Variants in ATRX observed in about 807,000 individuals in gnomAD.
ATRX encodes ATRX chromatin remodeler, also known as chromatin remodeler ATRX.
In ATRX, 12 loss-of-function variants were observed where a neutral mutation model predicts 172.6. The ratio of observed to expected loss-of-function variants is 0.07; its 90% CI spans 0.04 to 0.11. The LOEUF (loss-of-function observed/expected upper bound fraction) is 0.11. ATRX is among the 10% of genes least tolerant of loss of function. The pLI is 1.00. For missense variants in ATRX, 1,368 were observed against 1,767.4 expected, an observed-to-expected ratio of 0.77 and a Z score of 4.05; for synonymous variants, 674 against 594.7, an observed-to-expected ratio of 1.13 and a Z score of -1.94.
intron 28 of ATRX, among the ~76,000 whole-genome samples, chrX:77,573,244 C>T (rs1394698978): frequency 9.0e-6 from 1 of 111,114 alleles, no homozygotes; most frequent in Non-Finnish European, 1.9e-5. Flanking sequence ...CATTGTGTTC[C>T]AATTGCCTAC....
At chrX:77,584,396 A>G (rs2065934544) in intron 27 of ATRX, among the ~76,000 whole-genome samples, 1 of 111,876 alleles carries the variant, frequency 8.9e-6, no homozygotes, top group Non-Finnish European at 1.9e-5. Context: ...AAGTGTAAGA[A>G]TCACATTACC....
chrX:77,779,301 T>G (rs2076488007), intron 1 of ATRX, among the ~76,000 whole-genome samples: 1 of 109,263 alleles, frequency 9.2e-6, no homozygotes, highest in African/African-American at 3.3e-5. Context: ...CTTTCTACTT[T>G]GAACTCACAC....
At position 77,684,808 on chromosome X, in the gene ATRX, T is replaced by C. The variant is rs782677525; in HGVS notation, c.662+131A>G. 7 of 780,717 alleles carry C rather than the reference T, an allele frequency of 9.0e-6. No homozygotes were observed. In the East Asian group the frequency reaches 1.6e-4, roughly 18 times the overall value. 64.3% of individuals were successfully genotyped at this position (780,717 alleles called of 1,213,427 possible). A position where few individuals can be genotyped will look rare whatever the true frequency, so the allele number is the denominator to read the frequency against. On this transcript the variant is annotated intron_variant, in intron 8 of 34. Coordinates refer to ENST00000373344, the MANE Select transcript of ATRX (RefSeq NM_000489.6). ...TAAACTAGACATAAATCCAGGGTTT[T>C]ATGGAAAAGAACAACCTTTCATTAA...
intron 1 of ATRX, among the ~76,000 whole-genome samples, chrX:77,726,889 G>T (rs961536633): frequency 1.8e-5 from 2 of 108,674 alleles, no homozygotes; most frequent in East Asian, 2.8e-4. Context: ...CTTTTTTACC[G>T]ATGAGGAATT....
intron 22 of ATRX, chrX:77,616,377 A>G: frequency 3.0e-6 from 3 of 1,009,387 alleles, no homozygotes; most frequent in Non-Finnish European, 3.9e-6. Context: ...GCTCTTTACA[A>G]ATTAAGGGCA....
At chrX:77,553,748 T>C (rs1472917493) in intron 30 of ATRX, among the ~76,000 whole-genome samples, 5 of 112,060 alleles carry the variant, frequency 4.5e-5, no homozygotes, top group African/African-American at 1.6e-4. Context: ...TCAACATCTG[T>C]TCAAGCACAT....
chrX:77,578,855 G>C (rs2065725450), intron 27 of ATRX, among the ~76,000 whole-genome samples: 2 of 112,115 alleles, frequency 1.8e-5, no homozygotes, highest in African/African-American at 6.5e-5. Context: ...CCCAATTCCA[G>C]GCCTTAGCTC....
chrX:77,559,449 C>CTTTTTTT (rs782028709), intron 28 of ATRX, among the ~76,000 whole-genome samples: 2 of 41,684 alleles, frequency 4.8e-5, no homozygotes, highest in South Asian at 3.7e-3. Context: ...CTTTCTTTCC[C>CTTTTTTT]TTTTTTTTTT....
intron 7 of ATRX, among the ~76,000 whole-genome samples, chrX:77,687,858 T>G (rs1455853588): frequency 8.9e-6 from 1 of 112,066 alleles, no homozygotes; most frequent in African/African-American, 3.2e-5. Context: ...AAAGGCAGCT[T>G]TTTATTGGGA....
intron 30 of ATRX, among the ~76,000 whole-genome samples, chrX:77,525,839 T>C (rs1407218213): frequency 1.8e-5 from 2 of 112,440 alleles, no homozygotes; most frequent in African/African-American, 6.5e-5. Context: ...ATAGACATTG[T>C]CAAGTGTGGT....
At chrX:77,558,874 T>C (rs1557060438) in intron 28 of ATRX, 28 bp from the exon 29 acceptor site, 3 of 1,094,512 alleles carry the variant, frequency 2.7e-6, no homozygotes, top group South Asian at 3.7e-5. Flanking sequence ...GAATAAATGC[T>C]TCAGTAATTA....
chrX:77,698,494 T>C (rs2072312938), intron 3 of ATRX, 80 bp downstream of exon 3: 2 of 896,642 alleles, frequency 2.2e-6, no homozygotes, highest in South Asian at 2.1e-5. Context: ...GACACATACA[T>C]GTGTCCAGAA....
At chrX:77,624,925 G>C (rs1411232448) in intron 19 of ATRX, among the ~76,000 whole-genome samples, 1 of 111,465 alleles carries the variant, frequency 9.0e-6, no homozygotes, top group South Asian at 3.8e-4. Context: ...AAAAGAGCCC[G>C]CATAGCCAAA....
chrX:77,700,917 T>A (rs1395347588), intron 2 of ATRX, among the ~76,000 whole-genome samples: 3 of 112,618 alleles, frequency 2.7e-5, no homozygotes, highest in Non-Finnish European at 5.6e-5. Flanking sequence ...AGCACAGGAA[T>A]CTTTTTAGGG....
chrX:77,665,372 C>A (rs1253486273), intron 10 of ATRX, among the ~76,000 whole-genome samples: 3 of 111,600 alleles, frequency 2.7e-5, no homozygotes, highest in Non-Finnish European at 5.6e-5. Flanking sequence ...AATAAATAAT[C>A]TCTAATAATA....
At chrX:77,646,223 G>A (rs1273097283) in intron 15 of ATRX, among the ~76,000 whole-genome samples, 3 of 111,494 alleles carry the variant, frequency 2.7e-5, no homozygotes, top group Admixed American at 9.5e-5. Context: ...AAAAAGGTTC[G>A]CTTTAGATCT....
chrX:77,613,542 C>T (rs1557095263), intron 22 of ATRX, among the ~76,000 whole-genome samples: 1 of 111,962 alleles, frequency 8.9e-6, no homozygotes, highest in East Asian at 2.8e-4. Context: ...TTGTTTCAAC[C>T]AAATGTTGAT....
chrX:77,695,096 C>G (rs782042098), intron 5 of ATRX, among the ~76,000 whole-genome samples: 1 of 106,870 alleles, frequency 9.4e-6, no homozygotes, highest in Non-Finnish European at 1.9e-5. Context: ...CCCTAGATTT[C>G]TTCTAGGGAG....
chrX:77,544,653 T>C (rs1449546904), intron 30 of ATRX, among the ~76,000 whole-genome samples: 1 of 105,061 alleles, frequency 9.5e-6, no homozygotes, highest in East Asian at 3.1e-4. Flanking sequence ...CACCTATGAG[T>C]GAGAATATGC....
Sources: gnomAD v4.1 joint callset for allele counts (sites outside exome capture counted in the v4.1 genomes callset) on GRCh38, gnomAD v4.1.1 for gene constraint, MANE v1.5 for transcripts, NCBI Gene and HGNC (gene_info 2026-07-23, HGNC 2026-07-21) for gene names.